Variants in DLGAP1 observed in about 807,000 individuals in gnomAD.
The protein encoded by DLGAP1 is DLG associated protein 1, also known as disks large-associated protein 1.
A neutral mutation model predicts 90.8 loss-of-function variants in DLGAP1; 11 were observed. The ratio of observed to expected loss-of-function variants is 0.12; its 90% CI spans 0.08 to 0.20. The LOEUF is 0.20. Ranked by LOEUF, DLGAP1 falls within the 10% of genes least tolerant of loss-of-function variation. The pLI, the probability that DLGAP1 is intolerant of heterozygous loss-of-function variation, is 1.00. For missense variants in DLGAP1, 1,050 were observed against 1,333.8 expected (o/e 0.79, Z 3.31); for synonymous variants, 558 against 540.7 (o/e 1.03, Z -0.44).
intron 8 of DLGAP1, among the ~76,000 whole-genome samples, chr18:3,568,727 C>A (rs561631468): frequency 1.3e-5 from 2 of 152,136 alleles, no homozygotes; most frequent in South Asian, 2.1e-4. Flanking sequence ...CACTTTGTTA[C>A]CCAGGCTGGA....
At chr18:4,195,538 T>C (rs1476632218) in intron 1 of DLGAP1, among the ~76,000 whole-genome samples, 1 of 152,138 alleles carries the variant, frequency 6.6e-6, no homozygotes, top group Non-Finnish European at 1.5e-5. Context: ...TTTTCACAGA[T>C]GACTACTTTT....
chr18:4,324,413 T>G (rs781774764), intron 1 of DLGAP1, among the ~76,000 whole-genome samples: 6 of 151,748 alleles, frequency 4.0e-5, no homozygotes, highest in Non-Finnish European at 7.4e-5. Flanking sequence ...GCCAGATGGA[T>G]TCACAGCCAA....
At chr18:3,568,010 T>C (rs1277929291) in intron 8 of DLGAP1, among the ~76,000 whole-genome samples, 1 of 152,072 alleles carries the variant, frequency 6.6e-6, no homozygotes, top group East Asian at 1.9e-4. Flanking sequence ...GGGATTCTCC[T>C]GCCTCAGCCT....
intron 2 of DLGAP1, among the ~76,000 whole-genome samples, chr18:4,128,895 G>A (rs1049645234): frequency 1.3e-5 from 2 of 152,144 alleles, no homozygotes; most frequent in Non-Finnish European, 1.5e-5. Context: ...GGTAAACACC[G>A]GCATTTTTTT....
At chr18:3,525,201 C>T (rs192356512) in intron 10 of DLGAP1, among the ~76,000 whole-genome samples, 4 of 151,812 alleles carry the variant, frequency 2.6e-5, no homozygotes, top group East Asian at 1.9e-4. Context: ...GAGCCTTACT[C>T]GTAGAAGATG....
At chr18:3,838,803 T>G (rs951593184) in intron 4 of DLGAP1, among the ~76,000 whole-genome samples, 17 of 152,172 alleles carry the variant, frequency 1.1e-4, no homozygotes, top group Non-Finnish European at 1.5e-5. Context: ...CTTAGAAAAT[T>G]TTCCTCAAAT....
chr18:3,522,897 G>C (rs1161700889), intron 10 of DLGAP1, among the ~76,000 whole-genome samples: 3 of 152,128 alleles, frequency 2.0e-5, no homozygotes, highest in African/African-American at 7.2e-5. Flanking sequence ...GAAAAGGATA[G>C]CCTAAGTGTA....
intron 1 of DLGAP1, among the ~76,000 whole-genome samples, chr18:4,397,097 T>A (rs536784479): frequency 6.6e-6 from 1 of 152,350 alleles, no homozygotes; most frequent in East Asian, 1.9e-4. Flanking sequence ...TCCATGCCTT[T>A]ACTTGTCAAA....
chr18:4,171,164 A>C (rs112541179), intron 1 of DLGAP1, among the ~76,000 whole-genome samples: 1,546 of 152,332 alleles, frequency 0.01, 26 homozygotes, highest in African/African-American at 0.031. Flanking sequence ...AAAGTACGAT[A>C]TAAATAATTT....
intron 5 of DLGAP1, among the ~76,000 whole-genome samples, chr18:3,779,625 A>T (rs2065094946): frequency 6.6e-6 from 1 of 152,056 alleles, no homozygotes. Flanking sequence ...GCATGGCAAT[A>T]TTCTATCTAT....
rs1317093856 is a variant in DLGAP1, at chr18:3,738,688, G to A, written c.1350+3647C>T. Among the ~76,000 whole-genome samples the A allele has an allele frequency of 6.0e-5, 9 of 150,532 alleles. No homozygotes were observed. In the East Asian group the frequency reaches 9.7e-4, roughly 16 times the overall value. ...ATAAAAACCCTAGAAGAAAACCTAG[G>A]CAATACCATTCAGGACATAGGCATG... On this transcript the variant is annotated intron_variant, in intron 6 of 12. Transcript: ENST00000315677.
intron 1 of DLGAP1, among the ~76,000 whole-genome samples, chr18:4,178,041 T>A (rs1309896300): frequency 1.3e-5 from 2 of 152,092 alleles, no homozygotes; most frequent in Non-Finnish European, 2.9e-5. Context: ...TCAAATCCTA[T>A]TCTTTCTATT....
chr18:3,918,857 T>C (rs1283959170), intron 3 of DLGAP1, among the ~76,000 whole-genome samples: 1 of 151,902 alleles, frequency 6.6e-6, no homozygotes, highest in East Asian at 1.9e-4. Context: ...GAAGCTGAAG[T>C]TGGAAGAAAG....
At chr18:3,609,462 G>A (rs758745086) in intron 7 of DLGAP1, among the ~76,000 whole-genome samples, 4 of 152,168 alleles carry the variant, frequency 2.6e-5, no homozygotes, top group South Asian at 2.1e-4. Flanking sequence ...TGAACCTAGC[G>A]ATGGGTGTGG....
Position 3,502,620 on chromosome 18 carries a change from G to A in DLGAP1, c.2597C>T (p.Thr866Ile), listed in dbSNP as rs754917446. ...NLNPNAHPRP[T>I]SQDLAGFWDM... ...CCAAAACCCCGCCAAATCCTGGGAG[G>A]TGGGTCTTGGATGAGCATTAGGATT... The change falls in exon 12 of 13, where the codon ACC becomes ATC. Residue 866 changes from threonine (T) to isoleucine (I), a missense_variant. Coordinates refer to ENST00000315677, the MANE Select transcript of DLGAP1 (RefSeq NM_004746.4). The A allele has an allele frequency of 1.2e-6, 2 of 1,614,098 alleles. No individual in the cohort carries two copies. The highest frequency in any genetic ancestry group is 1.1e-5 in the South Asian group (1 of 91,058).
Position 3,653,627 on chromosome 18 carries a change from T to C in DLGAP1, c.1592-71379A>G, listed in dbSNP as rs1483886268. The C allele has an allele frequency of 6.6e-6, 1 of 152,038 alleles. No homozygotes were observed. Among genetic ancestry groups the C allele is most frequent in the East Asian group, 1.9e-4 (1 of 5,196 alleles). 9.4% of individuals were successfully genotyped at this position (152,038 alleles called of 1,614,324 possible). ...CCTGCCATAGACACTTGGTAGGGAG[T>C]GGCAAATGGAATCTTGGTTTGTTTT... On this transcript the variant is annotated intron_variant, in intron 7 of 12. Coordinates refer to ENST00000315677, the MANE Select transcript of DLGAP1 (RefSeq NM_004746.4). This position sits in a 1 kb window ranked among gnomAD's most constrained non-coding sequence, Gnocchi z 4.6.
At chr18:3,874,171 T>G in intron 4 of DLGAP1, 1 of 1,550,100 alleles carries the variant, frequency 6.5e-7, no homozygotes, top group Non-Finnish European at 8.7e-7. Flanking sequence ...GTCCTTCCAT[T>G]TCTTGAAACT....
chr18:3,819,322 T>G (rs2067273885), intron 4 of DLGAP1, among the ~76,000 whole-genome samples: 1 of 152,164 alleles, frequency 6.6e-6, no homozygotes, highest in Admixed American at 6.5e-5. Flanking sequence ...CAACATTTTT[T>G]GTGTCACTAA....
At chr18:4,186,756 A>AG (rs1190202345) in intron 1 of DLGAP1, among the ~76,000 whole-genome samples, 3 of 152,028 alleles carry the variant, frequency 2.0e-5, no homozygotes, top group Admixed American at 6.6e-5. Context: ...TTGGCTACTC[A>AG]GGGTCTTTTT....
Sources: gnomAD v4.1 joint callset for allele counts (sites outside exome capture counted in the v4.1 genomes callset) on GRCh38, gnomAD v4.1.1 for gene constraint, Gnocchi (gnomAD v3.1) non-coding constraint, MANE v1.5 for transcripts, NCBI Gene and HGNC (gene_info 2026-07-23, HGNC 2026-07-21) for gene names.